The following NEBL variants were observed in gnomAD, a reference collection of about 807,000 sequenced individuals.
NEBL encodes the protein LIM and SH3 protein 2.
In NEBL, 122 loss-of-function variants were observed where a neutral mutation model predicts 140.2. That is an observed-to-expected ratio of 0.87 (90% CI 0.75 to 1.01). NEBL has a LOEUF of 1.01. Ranked by LOEUF, NEBL falls within the 50% of genes least tolerant of loss-of-function variation. The probability of loss-of-function intolerance (pLI) is 0.00; values close to 1 mark genes in which losing one functional copy is unlikely to be tolerated. For synonymous variants in NEBL, 436 were observed against 398.9 expected, an observed-to-expected ratio of 1.09 and a Z score of -1.11; for missense variants, 1,365 against 1,231.3, an observed-to-expected ratio of 1.11 and a Z score of -1.62.
chr10:20,807,804 T>C (rs1236098898), intron 26 of NEBL, among the ~76,000 whole-genome samples: 1 of 152,178 alleles, frequency 6.6e-6, no homozygotes, highest in Admixed American at 6.5e-5. Context: ...GAGGAAACAT[T>C]TTAGTCTTAA....
At chr10:20,816,560 T>C (rs939412922) in intron 21 of NEBL, among the ~76,000 whole-genome samples, 3 of 152,176 alleles carry the variant, frequency 2.0e-5, no homozygotes, top group African/African-American at 4.8e-5. Context: ...TAAAATATAG[T>C]TGTTAGGAAA....
At chr10:20,811,383 A>G (rs531590375) in intron 24 of NEBL, among the ~76,000 whole-genome samples, 56 of 152,310 alleles carry the variant, frequency 3.7e-4, no homozygotes, top group South Asian at 3.5e-3. Context: ...TTCCACCCTA[A>G]GTGAGATAAA....
At chr10:20,856,113 C>G (rs1843052895) in intron 9 of NEBL, among the ~76,000 whole-genome samples, 2 of 152,070 alleles carry the variant, frequency 1.3e-5, no homozygotes, top group African/African-American at 2.4e-5. Context: ...TCTTTCTCTC[C>G]CAGGAAGTAG....
At chr10:21,069,668 G>A (rs1018494744) in intron 2 of NEBL, among the ~76,000 whole-genome samples, 3 of 152,150 alleles carry the variant, frequency 2.0e-5, no homozygotes, top group Non-Finnish European at 2.9e-5. Context: ...CTGAGAAATG[G>A]TTCATGTTAC....
At chr10:21,063,715 G>A (rs571879659) in intron 2 of NEBL, among the ~76,000 whole-genome samples, 1 of 152,098 alleles carries the variant, frequency 6.6e-6, no homozygotes, top group Non-Finnish European at 1.5e-5. Flanking sequence ...GCAACATGGT[G>A]AAACCCCAGT....
chr10:21,098,531 G>A (rs1463763960), intron 2 of NEBL, among the ~76,000 whole-genome samples: 1 of 152,128 alleles, frequency 6.6e-6, no homozygotes, highest in African/African-American at 2.4e-5. Flanking sequence ...CCTTAGTAAT[G>A]AGAAGCCATT....
At position 20,784,605 on chromosome 10, in the gene NEBL, C is replaced by A. The variant is rs1008850366; in HGVS notation, c.*1142G>T. On this transcript the variant is annotated 3_prime_UTR_variant, in exon 28 of 28. Coordinates refer to ENST00000377122, the MANE Select transcript of NEBL (RefSeq NM_006393.3). ...TCCAAAAGAAGATACCAGATCATCT[C>A]TGTATGGAATTGGTAACTTTGTTTG... is the stretch of plus-strand genomic sequence containing the variant. 10 of 152,176 alleles carry A rather than the reference C, an allele frequency of 6.6e-5. No individual in the cohort carries two copies. Among genetic ancestry groups the A allele is most frequent in the African/African-American group, 2.4e-4 (10 of 41,428 alleles). The allele number at this position is 152,176 out of a possible 1,614,324, so 9.4% of individuals were successfully genotyped here. A position where few individuals can be genotyped will look rare whatever the true frequency, so the allele number is the denominator to read the frequency against.
At chr10:21,280,770 G>A (rs989720659) in intron 1 of NEBL, among the ~76,000 whole-genome samples, 3 of 151,552 alleles carry the variant, frequency 2.0e-5, no homozygotes, top group African/African-American at 7.3e-5. Context: ...ACACACCATC[G>A]CGCATGGCTA....
intron 3 of NEBL, among the ~76,000 whole-genome samples, chr10:21,207,202 G>A (rs1468747481): frequency 6.6e-6 from 1 of 151,890 alleles, no homozygotes; most frequent in Admixed American, 6.6e-5. Context: ...TCAAACTTCT[G>A]ACCTCAGGTG....
At chr10:20,796,381 A>G (rs1174620577) in intron 26 of NEBL, among the ~76,000 whole-genome samples, 1 of 150,952 alleles carries the variant, frequency 6.6e-6, no homozygotes. Context: ...AAAAAAAAAA[A>G]AAAAAAAAAA....
At chr10:20,795,690 C>T (rs943494875) in intron 26 of NEBL, among the ~76,000 whole-genome samples, 1 of 152,064 alleles carries the variant, frequency 6.6e-6, no homozygotes, top group African/African-American at 2.4e-5. Flanking sequence ...TTCAATATCA[C>T]GTCTCCTAAT....
chr10:20,804,724 G>C (rs1837448093), intron 26 of NEBL: 1 of 152,430 alleles, frequency 6.6e-6, no homozygotes, highest in Non-Finnish European at 1.5e-5. Flanking sequence ...GAAATGGTGA[G>C]AGTGGACAGA....
intron 26 of NEBL, among the ~76,000 whole-genome samples, chr10:20,793,585 G>A (rs1836219129): frequency 6.7e-6 from 1 of 149,778 alleles, no homozygotes; most frequent in African/African-American, 2.5e-5. Flanking sequence ...ACAGGATCTG[G>A]CTCTGTCACC....
At chr10:20,932,621 A>G (rs1408335624) in intron 4 of NEBL, among the ~76,000 whole-genome samples, 1 of 152,248 alleles carries the variant, frequency 6.6e-6, no homozygotes, top group Non-Finnish European at 1.5e-5. Flanking sequence ...AAGAATAAGT[A>G]TTCTTGCTGA....
chr10:20,818,788 A>C, intron 20 of NEBL: 1 of 987,106 alleles, frequency 1.0e-6, no homozygotes, highest in East Asian at 1.1e-4. Flanking sequence ...AACACAGCTA[A>C]GGTACAGCAA....
chr10:20,858,881 A>G (rs1421278237), intron 8 of NEBL, among the ~76,000 whole-genome samples: 1 of 152,200 alleles, frequency 6.6e-6, no homozygotes, highest in Non-Finnish European at 1.5e-5. Context: ...TTTATTAAGT[A>G]GGTACTTTAA....
At chr10:21,175,619 G>C (rs1169430510), upstream of NEBL, among the ~76,000 whole-genome samples, 1 of 152,216 alleles carries the variant, frequency 6.6e-6, no homozygotes, top group Non-Finnish European at 1.5e-5. Context: ...TGACTTTCCA[G>C]AAGATGTAAC....
intron 2 of NEBL, among the ~76,000 whole-genome samples, chr10:21,051,176 C>T (rs949393666): frequency 3.9e-5 from 6 of 152,192 alleles, no homozygotes; most frequent in African/African-American, 1.4e-4. Flanking sequence ...ATGACCACAT[C>T]ATACCCCTTA....
At chr10:20,980,868 A>G (rs1837011072) in intron 3 of NEBL, among the ~76,000 whole-genome samples, 2 of 152,218 alleles carry the variant, frequency 1.3e-5, no homozygotes, top group South Asian at 4.1e-4. Flanking sequence ...TCCTTCTAAC[A>G]GGCAAGAATT....
Sources: allele counts gnomAD v4.1 joint callset (sites outside exome capture counted in the v4.1 genomes callset), GRCh38; gene constraint gnomAD v4.1.1; transcripts MANE v1.5; gene names NCBI Gene and HGNC (gene_info 2026-07-23, HGNC 2026-07-21).